CNTNAP2: variants seen among roughly 807,000 people sequenced by gnomAD.
CNTNAP2 encodes contactin associated protein 2.
CNTNAP2 carries 98 observed loss-of-function variants against 155.2 expected under a neutral mutation model. That is an observed-to-expected ratio of 0.63 (90% CI 0.54 to 0.75). The LOEUF (loss-of-function observed/expected upper bound fraction) is 0.75. Ranked by LOEUF, CNTNAP2 falls within the 30% of genes least tolerant of loss-of-function variation. The pLI is 0.00. For missense variants in CNTNAP2, 1,727 were observed against 1,688.1 expected (o/e 1.02, Z -0.40); for synonymous variants, 651 against 631.2 (o/e 1.03, Z -0.47).
At chr7:146,692,982 G>T (rs1029738381) in intron 1 of CNTNAP2, among the ~76,000 whole-genome samples, 1 of 152,028 alleles carries the variant, frequency 6.6e-6, no homozygotes, top group African/African-American at 2.4e-5. Flanking sequence ...TTGAACTATA[G>T]TATACGGTAA....
intron 12 of CNTNAP2, among the ~76,000 whole-genome samples, chr7:147,604,419 A>G (rs1801022561): frequency 6.6e-6 from 1 of 152,214 alleles, no homozygotes; most frequent in African/African-American, 2.4e-5. Flanking sequence ...ATTCATGATC[A>G]CATTGTCCCA....
At chr7:146,987,013 G>A (rs952424247) in intron 3 of CNTNAP2, among the ~76,000 whole-genome samples, 12 of 151,972 alleles carry the variant, frequency 7.9e-5, no homozygotes, top group African/African-American at 7.3e-5. Context: ...GAGAACCCTC[G>A]TCTGGAGAAA....
intron 21 of CNTNAP2, among the ~76,000 whole-genome samples, chr7:148,374,750 G>A (rs1428816027): frequency 6.6e-6 from 1 of 152,186 alleles, no homozygotes; most frequent in Non-Finnish European, 1.5e-5. Flanking sequence ...GTAAGAAGCA[G>A]GTCTGTTCAT....
At chr7:146,373,923 A>G (rs1382940659) in intron 1 of CNTNAP2, among the ~76,000 whole-genome samples, 3 of 152,192 alleles carry the variant, frequency 2.0e-5, no homozygotes, top group Admixed American at 6.5e-5. Flanking sequence ...TCACATTCCT[A>G]AACAGGTTTG....
chr7:146,913,018 C>G (rs373102812), intron 3 of CNTNAP2, among the ~76,000 whole-genome samples: 134 of 152,142 alleles, frequency 8.8e-4, no homozygotes, highest in Middle Eastern at 3.4e-3. Flanking sequence ...ATTAATGACT[C>G]CTTTATTGGT....
At chr7:147,439,088 A>T (rs1336304230) in intron 10 of CNTNAP2, among the ~76,000 whole-genome samples, 1 of 151,532 alleles carries the variant, frequency 6.6e-6, no homozygotes, top group Non-Finnish European at 1.5e-5. Context: ...AATCTTATTT[A>T]TTTCTGCTTT....
At chr7:147,997,625 G>A (rs1439396034) in intron 15 of CNTNAP2, among the ~76,000 whole-genome samples, 1 of 151,922 alleles carries the variant, frequency 6.6e-6, no homozygotes, top group Non-Finnish European at 1.5e-5. Flanking sequence ...TATTGCAAAA[G>A]AAAAAGAATA....
intron 1 of CNTNAP2, among the ~76,000 whole-genome samples, chr7:146,596,595 CAGAGAGAGAGAGAGAGAGAGAG>C (rs368697909): frequency 6.7e-5 from 7 of 104,978 alleles, no homozygotes; most frequent in Non-Finnish European, 1.4e-4. Flanking sequence ...AGAAGGGAGA[CAGAGAGAGAGAGAGAGAGAGAG>C]AGAGAGAGAG....
chr7:146,947,435 C>T (rs941270843), intron 3 of CNTNAP2, among the ~76,000 whole-genome samples: 1 of 127,260 alleles, frequency 7.9e-6, no homozygotes, highest in African/African-American at 3.0e-5. Flanking sequence ...TATATACATA[C>T]ACACACACAC....
intron 2 of CNTNAP2, among the ~76,000 whole-genome samples, chr7:146,787,392 CTG>C (rs1212856106): frequency 6.6e-6 from 1 of 152,126 alleles, no homozygotes; most frequent in African/African-American, 2.4e-5. Context: ...CCAGATGTGT[CTG>C]GAGTTTCTTC....
chr7:147,942,209 C>T (rs915861495), intron 14 of CNTNAP2, among the ~76,000 whole-genome samples: 7 of 152,150 alleles, frequency 4.6e-5, no homozygotes, highest in African/African-American at 1.7e-4. Context: ...GATGCACTTG[C>T]CCCATACGGA....
chr7:146,673,966 C>T (rs1800352941), intron 1 of CNTNAP2, among the ~76,000 whole-genome samples: 1 of 152,194 alleles, frequency 6.6e-6, no homozygotes, highest in Non-Finnish European at 1.5e-5. Flanking sequence ...CATAACCCTA[C>T]TAAAACCTTT....
At chr7:147,523,050 A>G (rs2116709998) in intron 11 of CNTNAP2, among the ~76,000 whole-genome samples, 1 of 152,348 alleles carries the variant, frequency 6.6e-6, no homozygotes, top group African/African-American at 2.4e-5. Context: ...GATTTCAGGC[A>G]CAGCTTAGCT....
At chr7:146,137,123 C>G (rs1797809197) in intron 1 of CNTNAP2, among the ~76,000 whole-genome samples, 1 of 152,108 alleles carries the variant, frequency 6.6e-6, no homozygotes, top group Non-Finnish European at 1.5e-5. Context: ...CTTGGGGTAT[C>G]CTTTATAGAG....
chr7:147,410,959 G>A (rs192150629), intron 10 of CNTNAP2, among the ~76,000 whole-genome samples: 25 of 152,194 alleles, frequency 1.6e-4, no homozygotes, highest in African/African-American at 5.8e-4. Flanking sequence ...CTTCTTTGTT[G>A]GTCTTGTCCA....
chr7:147,472,739 CA>C (rs1798247649), intron 10 of CNTNAP2, among the ~76,000 whole-genome samples: 4 of 152,088 alleles, frequency 2.6e-5, no homozygotes, highest in African/African-American at 9.7e-5. Context: ...ATGATTGATG[CA>C]GAAGTGAAAG....
At chr7:146,653,918 T>A (rs540736867) in intron 1 of CNTNAP2, among the ~76,000 whole-genome samples, 1 of 152,250 alleles carries the variant, frequency 6.6e-6, no homozygotes, top group African/African-American at 2.4e-5. Flanking sequence ...AATCATTTCC[T>A]TGGACTCTTT....
intron 1 of CNTNAP2, among the ~76,000 whole-genome samples, chr7:146,404,105 A>G (rs984144690): frequency 7.9e-5 from 10 of 126,706 alleles, no homozygotes; most frequent in Non-Finnish European, 1.4e-4. Flanking sequence ...AGCCTGGGCG[A>G]CAGAGCGAGA....
intron 14 of CNTNAP2, among the ~76,000 whole-genome samples, chr7:147,976,055 T>G (rs572508484): frequency 6.6e-6 from 1 of 152,196 alleles, no homozygotes; most frequent in African/African-American, 2.4e-5. Flanking sequence ...TCAATAAAAC[T>G]TTTTTATGAA....
Sources: gnomAD v4.1 joint callset for allele counts (sites outside exome capture counted in the v4.1 genomes callset) on GRCh38, gnomAD v4.1.1 for gene constraint, MANE v1.5 for transcripts, NCBI Gene and HGNC (gene_info 2026-07-23, HGNC 2026-07-21) for gene names.